RAF1: variants seen among roughly 807,000 people sequenced by gnomAD.
RAF1 encodes the protein Raf-1 proto-oncogene, serine/threonine kinase.
In RAF1, 27 loss-of-function variants were observed where a neutral mutation model predicts 81.1. The observed-to-expected ratio is 0.33, with a 90% CI of 0.25 to 0.46. The LOEUF (loss-of-function observed/expected upper bound fraction) is 0.46. Among genes scored for constraint, RAF1 ranks in the 20% least tolerant of loss-of-function variants. The probability of loss-of-function intolerance (pLI) is 1.00; values close to 1 mark genes in which losing one functional copy is unlikely to be tolerated. For synonymous variants in RAF1, 298 were observed against 294.0 expected, an observed-to-expected ratio of 1.01 and a Z score of -0.14; for missense variants, 598 against 826.0, an observed-to-expected ratio of 0.72 and a Z score of 3.38.
At chr3:12,594,584 TGCAGTCG>T (rs1305064828) in intron 11 of RAF1, among the ~76,000 whole-genome samples, 1 of 152,200 alleles carries the variant, frequency 6.6e-6, no homozygotes, top group African/African-American at 2.4e-5. Flanking sequence ...ACTCTGACCT[TGCAGTCG>T]GCTGAACTTC....
At chr3:12,636,925 T>TAAAAA (rs2060050116) in intron 1 of RAF1, among the ~76,000 whole-genome samples, 2 of 152,206 alleles carry the variant, frequency 1.3e-5, no homozygotes, top group Non-Finnish European at 2.9e-5. Context: ...GTTTAGTAGA[T>TAAAAA]AAAAGAACAG....
Position 12,609,338 on chromosome 3 carries a change from A to G in RAF1, c.321-3T>C, listed in dbSNP as rs1559434357. ...TCCAATCTAAGCGTGCTTTTTTACTAGAAAGGATTTAAAAAAAACATGAAA... is the reference window on the plus strand; with the variant it reads ...TCCAATCTAAGCGTGCTTTTTTACTGGAAAGGATTTAAAAAAAACATGAAA... On this transcript the variant is annotated splice_polypyrimidine_tract_variant and splice_region_variant and intron_variant, in intron 3 of 17. Coordinates refer to ENST00000442415, the MANE Select transcript of RAF1 (RefSeq NM_001354689.3). 6.3e-7 allele frequency: 1 copy of G among 1,593,790 alleles called. No homozygotes were observed.
chr3:12,654,353 G>A (rs2060621379), intron 1 of RAF1, among the ~76,000 whole-genome samples: 1 of 151,896 alleles, frequency 6.6e-6, no homozygotes, highest in Non-Finnish European at 1.5e-5. Context: ...TATAATCCCA[G>A]CATTTTGGGA....
At chr3:12,595,142 A>C (rs1345861022) in intron 11 of RAF1, among the ~76,000 whole-genome samples, 2 of 152,160 alleles carry the variant, frequency 1.3e-5, no homozygotes, top group African/African-American at 4.8e-5. Context: ...ATCACGGCTC[A>C]CTGCAGCCTC....
intron 11 of RAF1, among the ~76,000 whole-genome samples, chr3:12,598,076 C>T (rs1454357046): frequency 1.4e-5 from 2 of 146,054 alleles, no homozygotes; most frequent in Non-Finnish European, 3.0e-5. Flanking sequence ...GTAGTGTGTA[C>T]TCACTGTATT....
At chr3:12,663,218 A>C (rs913188303) in intron 1 of RAF1, among the ~76,000 whole-genome samples, 1 of 152,144 alleles carries the variant, frequency 6.6e-6, no homozygotes, top group African/African-American at 2.4e-5. Flanking sequence ...CTGGCTCTTC[A>C]TTCCAAAGCG....
chr3:12,605,661 A>C (rs1460662641), intron 6 of RAF1, among the ~76,000 whole-genome samples: 1 of 152,226 alleles, frequency 6.6e-6, no homozygotes, highest in African/African-American at 2.4e-5. Flanking sequence ...AAACGCAACA[A>C]AACTGATTAT....
At chr3:12,635,927 C>G (rs372922599) in intron 1 of RAF1, among the ~76,000 whole-genome samples, 1 of 150,552 alleles carries the variant, frequency 6.6e-6, no homozygotes, top group Non-Finnish European at 1.5e-5. Context: ...GAGCCGAGAT[C>G]GCGCCACTGC....
rs730881001 is a variant in RAF1 at position 12,606,202 on chromosome 3, T to C, written c.679A>G (p.Ser227Gly). ...GAAAAGCTATAGGTAAAAAATTACC[T>C]AACAGGCATCCTGGAAACAGACTCT... Residue 227 changes from serine to glycine, a missense_variant and splice_region_variant, in exon 6 of 18, where the codon AGT becomes GGT. Physicochemically the swap from Ser to Gly is moderately conservative, Grantham distance 56. Coordinates refer to ENST00000442415, the MANE Select transcript of RAF1 (RefSeq NM_001354689.3). 5 of 1,612,264 alleles carry C rather than the reference T, an allele frequency of 3.1e-6. No homozygotes were observed. Among genetic ancestry groups the C allele is most frequent in the Non-Finnish European group, 4.2e-6 (5 of 1,178,452 alleles).
chr3:12,655,349 G>A (rs1173077255), intron 1 of RAF1, among the ~76,000 whole-genome samples: 1 of 152,134 alleles, frequency 6.6e-6, no homozygotes, highest in African/African-American at 2.4e-5. Context: ...GCCTCCCAAA[G>A]TGCTGGGATT....
At chr3:12,629,700 T>C (rs1249461883) in intron 1 of RAF1, among the ~76,000 whole-genome samples, 2 of 152,196 alleles carry the variant, frequency 1.3e-5, no homozygotes, top group African/African-American at 2.4e-5. Context: ...AGGTGACAGA[T>C]TTCAACCTTG....
rs953008847 is a variant in RAF1, at chr3:12,584,189, T to G, written c.*325A>C. The G allele has an allele frequency of 4.6e-6, 2 of 438,472 alleles. No individual in the cohort carries two copies. The highest frequency in any genetic ancestry group is 3.9e-5 in the African/African-American group (2 of 51,308). The allele number at this position is 438,472 out of a possible 1,614,324, so 27.2% of individuals were successfully genotyped here. ...CTACCTTACTTCCTCTAAATACTCA[T>G]GTAGCCAACAGCTGGGGCTGGGCCC... On this transcript the variant is annotated 3_prime_UTR_variant, in exon 18 of 18. Transcript: ENST00000442415.
At chr3:12,606,057 C>A in intron 6 of RAF1, 144 bp downstream of exon 6, 1 of 638,742 alleles carries the variant, frequency 1.6e-6, no homozygotes. Context: ...TTCTGTACCA[C>A]CAGTATCAAG....
chr3:12,653,209 G>A (rs1053279851), intron 1 of RAF1, among the ~76,000 whole-genome samples: 1 of 152,068 alleles, frequency 6.6e-6, no homozygotes, highest in Non-Finnish European at 1.5e-5. Flanking sequence ...TTGAACCTGA[G>A]AGGCAGAGGT....
At chr3:12,603,763 T>C (rs1405207668) in intron 7 of RAF1, among the ~76,000 whole-genome samples, 1 of 152,174 alleles carries the variant, frequency 6.6e-6, no homozygotes, top group Non-Finnish European at 1.5e-5. Flanking sequence ...TATTTCTAAA[T>C]AAAATCACAA....
Position 12,600,294 on chromosome 3 carries a change from CA to C in RAF1, c.923-16del, listed in dbSNP as rs1194379927. 1.9e-6 allele frequency: 3 copies of C among 1,613,926 alleles called. No individual in the cohort carries two copies. The highest frequency in any genetic ancestry group is 2.5e-6 in the Non-Finnish European group (3 of 1,180,038). Reference sequence around the variant, plus strand: ...TGAAGGTGAGGCTTAATAGACAAGACAAACAGAAGCCACACAAGGATAAGCC... The same window carrying C: ...TGAAGGTGAGGCTTAATAGACAAGACAACAGAAGCCACACAAGGATAAGCC... On this transcript the variant is annotated splice_polypyrimidine_tract_variant and intron_variant, in intron 9 of 17. Transcript: ENST00000442415.
intron 11 of RAF1, among the ~76,000 whole-genome samples, chr3:12,596,773 T>C (rs1456310137): frequency 2.6e-5 from 4 of 152,230 alleles, no homozygotes; most frequent in African/African-American, 4.8e-5. Context: ...CTAGAAGTTA[T>C]GTTTCCTGGA....
At chr3:12,641,511 A>G (rs897397645) in intron 1 of RAF1, among the ~76,000 whole-genome samples, 6 of 125,216 alleles carry the variant, frequency 4.8e-5, no homozygotes, top group Admixed American at 8.2e-5. Context: ...TTTTTTTTTG[A>G]AACAGGGTCT....
In RAF1 at chr3:12,600,418, G is replaced by A; in HGVS notation, c.895-3C>T. 6.2e-7 allele frequency: 1 copy of A among 1,614,130 alleles called. No individual in the cohort carries two copies. The highest frequency in any genetic ancestry group is 8.5e-7 in the Non-Finnish European group (1 of 1,180,000). The stretch of plus-strand genomic sequence containing the variant: ...TCGCTGTGACTTCGAATTGCATCCT[G>A]AAACAGAAAAGGAAAGCTGGTCAAC... On this transcript the variant is annotated splice_polypyrimidine_tract_variant and splice_region_variant and intron_variant, in intron 8 of 17. Transcript: ENST00000442415.
Sources: gnomAD v4.1 joint callset for allele counts (sites outside exome capture counted in the v4.1 genomes callset) on GRCh38, gnomAD v4.1.1 for gene constraint, MANE v1.5 for transcripts, NCBI Gene and HGNC (gene_info 2026-07-23, HGNC 2026-07-21) for gene names.